CRAMP1: variants seen among roughly 807,000 people sequenced by gnomAD.
CRAMP1 encodes the protein protein cramped-like.
Under a neutral mutation model 115.4 loss-of-function variants are expected in CRAMP1, and 50 were observed. That is an observed-to-expected ratio of 0.43 (90% CI 0.35 to 0.55). The LOEUF (loss-of-function observed/expected upper bound fraction) is 0.55. Ranked by LOEUF, CRAMP1 falls within the 20% of genes least tolerant of loss-of-function variation. The pLI is 0.01. For synonymous variants in CRAMP1, 866 were observed against 745.4 expected (o/e 1.16, Z -2.64); for missense variants, 1,679 against 1,721.7 (o/e 0.98, Z 0.44).
rs1054402577 is a variant in CRAMP1, at chr16:1,676,789, C to G, written c.*2744C>G. On this transcript the variant is annotated 3_prime_UTR_variant, in exon 21 of 21. Coordinates refer to ENST00000397412, the MANE Select transcript of CRAMP1 (RefSeq NM_020825.4). The stretch of plus-strand genomic sequence containing the variant: ...GCAGTGATAAGCGGGCATTGCGTGC[C>G]TCGGGGGATGCCTAGTTCGTGGCTT... 3 of 152,258 alleles carry G rather than the reference C, an allele frequency of 2.0e-5. No individual in the cohort carries two copies. Among genetic ancestry groups the G allele is most frequent in the African/African-American group, 7.2e-5 (3 of 41,436 alleles). 9.4% of individuals were successfully genotyped at this position (152,258 alleles called of 1,614,324 possible).
chr16:1,623,852 G>C (rs997983409), intron 2 of CRAMP1, among the ~76,000 whole-genome samples: 1 of 152,248 alleles, frequency 6.6e-6, no homozygotes, highest in Non-Finnish European at 1.5e-5. Context: ...GGAATGGGCA[G>C]GGCCAGATAA....
rs570912665 is a variant in CRAMP1, at chr16:1,656,729, G to A, written c.1972G>A (p.Ala658Thr). 22 of 1,551,678 alleles carry A rather than the reference G, an allele frequency of 1.4e-5. No individual in the cohort carries two copies. The highest frequency in any genetic ancestry group is 2.4e-5 in the South Asian group (2 of 84,134). ...GPPPSQGQPA[A>T]RPPKEVPASR... is the part of the protein sequence containing the mutation. ...TCCGCCGTCTCAGGGACAGCCTGCCGCCAGGCCCCCGAAGGAGGTCCCCGC... is the reference window on the plus strand; with the variant it reads ...TCCGCCGTCTCAGGGACAGCCTGCCACCAGGCCCCCGAAGGAGGTCCCCGC... Residue 658 changes from alanine (A) to threonine (T), a missense_variant, in exon 10 of 21, where the codon GCC (alanine) becomes ACC (threonine). This residue lies in a region of CRAMP1 where 405 missense variants were observed against 302.6 expected (regional missense o/e 1.34). Coordinates refer to ENST00000397412, the MANE Select transcript of CRAMP1 (RefSeq NM_020825.4). This position sits in a 1 kb window ranked among gnomAD's most constrained non-coding sequence, Gnocchi z 5.6.
chr16:1,629,314 T>C (rs1432891800), intron 3 of CRAMP1, among the ~76,000 whole-genome samples: 1 of 152,208 alleles, frequency 6.6e-6, no homozygotes, highest in East Asian at 1.9e-4. Flanking sequence ...CCTCAGCCTG[T>C]TACCATCTCC....
rs945684731 is a variant in CRAMP1 at position 1,613,231 on chromosome 16, C to T, written c.-2+574C>T. Reference sequence around the variant, plus strand: ...GGTGTTTGTCGTGGGTGGTTTTGTTCTTTGGCAGAGTTTTTTTTAAAACTA... The same window carrying T: ...GGTGTTTGTCGTGGGTGGTTTTGTTTTTTGGCAGAGTTTTTTTTAAAACTA... On this transcript the variant is annotated intron_variant, in intron 1 of 20. Coordinates refer to ENST00000397412, the MANE Select transcript of CRAMP1 (RefSeq NM_020825.4). Among the ~76,000 whole-genome samples, 3 of 151,634 alleles carry T rather than the reference C, an allele frequency of 2.0e-5. 1 individual carries two copies. In the South Asian group the frequency reaches 6.2e-4, roughly 31 times the overall value.
chr16:1,626,543 A>G (rs1211462469), intron 3 of CRAMP1, among the ~76,000 whole-genome samples: 1 of 150,684 alleles, frequency 6.6e-6, no homozygotes, highest in East Asian at 2.0e-4. Context: ...GAGGGGAGGC[A>G]CAAGGCGGTG....
intron 14 of CRAMP1, 108 bp downstream of exon 14, chr16:1,665,246 C>G (rs1440670188): frequency 2.6e-6 from 2 of 759,710 alleles, no homozygotes; most frequent in African/African-American, 1.7e-5. Flanking sequence ...TCAGGCATTC[C>G]TTTGTCCATT....
At chr16:1,613,609 G>C (rs888111879) in intron 1 of CRAMP1, among the ~76,000 whole-genome samples, 2 of 152,142 alleles carry the variant, frequency 1.3e-5, no homozygotes, top group South Asian at 2.1e-4. Context: ...GTTTATTTTT[G>C]AGTGGCTCTG....
At position 1,614,542 on chromosome 16, in the gene CRAMP1, G is replaced by A. The variant is rs1423183448; in HGVS notation, c.-1-97G>A. 1.1e-4 allele frequency: 80 copies of A among 730,988 alleles called. 1 individual carries two copies. The highest frequency in any genetic ancestry group is 2.6e-5 in the Non-Finnish European group (14 of 547,056). The allele number at this position is 730,988 out of a possible 1,614,324, so 45.3% of individuals were successfully genotyped here. ...GGCCGAGCCGCCGAGAGGGGATTTG[G>A]AACAAACAACGGCGGCCATGTTGAG... On this transcript the variant is annotated intron_variant, in intron 1 of 20. Coordinates refer to ENST00000397412, the MANE Select transcript of CRAMP1 (RefSeq NM_020825.4). The surrounding 1 kb of genome is among the most constrained non-coding windows in gnomAD (Gnocchi z 4.4).
intron 8 of CRAMP1, among the ~76,000 whole-genome samples, chr16:1,654,079 G>C (rs1198450394): frequency 6.9e-6 from 1 of 145,356 alleles, no homozygotes; most frequent in Non-Finnish European, 1.5e-5. Context: ...GGAGGCAGAG[G>C]TTGCAGTGAG....
At chr16:1,659,768 C>A in intron 10 of CRAMP1, 118 bp from the exon 11 acceptor site, 1 of 991,532 alleles carries the variant, frequency 1.0e-6, no homozygotes, top group Non-Finnish European at 1.5e-6. Flanking sequence ...TGGCCTTTGC[C>A]GTCATGACAC....
At chr16:1,632,023 C>T (rs1032544424) in intron 3 of CRAMP1, among the ~76,000 whole-genome samples, 189 bp from the exon 4 acceptor site, 1 of 152,142 alleles carries the variant, frequency 6.6e-6, no homozygotes. Context: ...CTCCTTTATC[C>T]TGATTAAAAC....
At position 1,614,380 on chromosome 16, in the gene CRAMP1, C is replaced by G. The variant is rs1453686182; in HGVS notation, c.-1-259C>G. The stretch of plus-strand genomic sequence containing the variant: ...CTGTCGCGCCCTCCCGCCGCCGGCC[C>G]GGGCGTCTGGACGCGAGCCTCGGCC... On this transcript the variant is annotated intron_variant, in intron 1 of 20. Transcript: ENST00000397412. The surrounding 1 kb of genome is among the most constrained non-coding windows in gnomAD (Gnocchi z 4.4). Among the ~76,000 whole-genome samples, 1 of 138,402 alleles carries G rather than the reference C, an allele frequency of 7.2e-6. No individual in the cohort carries two copies. Among genetic ancestry groups the G allele is most frequent in the African/African-American group, 2.6e-5 (1 of 38,038 alleles). 90.8% of individuals were successfully genotyped at this position (138,402 alleles called of 152,430 possible).
At position 1,674,052 on chromosome 16, in the gene CRAMP1, G is replaced by A. The variant is rs754067441; in HGVS notation, c.*7G>A. ...CAGTGACCTGTCCCAGTGACCACAC[G>A]TCCTGGTGGCGGATGAAGCCCTCTT... On this transcript the variant is annotated 3_prime_UTR_variant, in exon 21 of 21. Coordinates refer to ENST00000397412, the MANE Select transcript of CRAMP1 (RefSeq NM_020825.4). The A allele has an allele frequency of 8.1e-6, 13 of 1,610,934 alleles. No individual in the cohort carries two copies. The highest frequency in any genetic ancestry group is 6.7e-5 in the East Asian group (3 of 44,878).
At position 1,614,272 on chromosome 16, in the gene CRAMP1, C is replaced by T. The variant is rs1213347811; in HGVS notation, c.-1-367C>T. 6.8e-6 allele frequency among the ~76,000 whole-genome samples: 1 copy of T among 146,404 alleles called. No homozygotes were observed. The highest frequency in any genetic ancestry group is 6.8e-5 in the Admixed American group (1 of 14,780). ...CGGGGCAGCGGCCCGGACCCGCAAC[C>T]GTGCCCAGACCCGCGCCCGCGCCGG... On this transcript the variant is annotated intron_variant, in intron 1 of 20. Coordinates refer to ENST00000397412, the MANE Select transcript of CRAMP1 (RefSeq NM_020825.4). The surrounding 1 kb of genome is among the most constrained non-coding windows in gnomAD (Gnocchi z 4.4).
rs1490940630 is a variant in CRAMP1, at chr16:1,614,863, GC to G, written c.229del (p.Gln77ArgfsTer70). On this transcript the variant is annotated frameshift_variant, in exon 2 of 21. Transcript: ENST00000397412. LOFTEE classifies it high-confidence loss of function. The surrounding 1 kb of genome is among the most constrained non-coding windows in gnomAD (Gnocchi z 4.4). ...CAGGCGCCGTCCCCGCCGCAGGGCA[GC>G]CCCCAGGACCAGCACCACTTCCTCC... ...APQAPSPPQG[S>X]PQDQHHFLRS... The G allele has an allele frequency of 8.3e-6, 11 of 1,319,358 alleles. No individual in the cohort carries two copies. The Admixed American group carries it at 9.7e-5, about 12-fold the overall frequency. The allele number at this position is 1,319,358 out of a possible 1,614,324, so 81.7% of individuals were successfully genotyped here.
At chr16:1,652,310 G>T (rs1412023062) in intron 6 of CRAMP1, among the ~76,000 whole-genome samples, 186 bp from the exon 7 acceptor site, 1 of 152,228 alleles carries the variant, frequency 6.6e-6, no homozygotes, top group Non-Finnish European at 1.5e-5. Flanking sequence ...AAAGTAGCAG[G>T]ATGTGCAGAG....
rs140226244 is a variant in CRAMP1, at chr16:1,672,287, C to T, written c.3645+1478C>T. On this transcript the variant is annotated intron_variant, in intron 20 of 20. Coordinates refer to ENST00000397412, the MANE Select transcript of CRAMP1 (RefSeq NM_020825.4). This position sits in a 1 kb window ranked among gnomAD's most constrained non-coding sequence, Gnocchi z 4.9. ...TTAGTATTTGTGAAACGCTGCCCGT[C>T]GCGAGTAATGCAAACGTGTTCACCT... 2.7e-3 allele frequency among the ~76,000 whole-genome samples: 404 copies of T among 152,270 alleles called. 1 individual carries two copies. Among genetic ancestry groups the T allele is most frequent in the African/African-American group, 9.3e-3 (385 of 41,524 alleles).
Position 1,673,938 on chromosome 16 carries a change from C to G in CRAMP1, c.3703C>G (p.Arg1235Gly). The G allele has an allele frequency of 1.9e-6, 3 of 1,613,754 alleles. No individual in the cohort carries two copies. The highest frequency in any genetic ancestry group is 2.5e-6 in the Non-Finnish European group (3 of 1,179,834). The change falls in exon 21 of 21, where the codon CGG (arginine) becomes GGG (glycine). Residue 1235 changes from arginine to glycine, a missense_variant. Arg to Gly is a moderately radical substitution (Grantham distance 125). Around this residue, in one of 8 missense-constraint regions of CRAMP1, gnomAD observed 709 missense variants for 741.9 expected, o/e 0.96. Coordinates refer to ENST00000397412, the MANE Select transcript of CRAMP1 (RefSeq NM_020825.4). ...CGAAAACAGCATTGATTACATTTCTCGGTTCAATGACCTGGCCCAAGAGCT... is the reference window on the plus strand; with the variant it reads ...CGAAAACAGCATTGATTACATTTCTGGGTTCAATGACCTGGCCCAAGAGCT... The part of the protein sequence containing the change: ...MNENSIDYIS[R>G]FNDLAQELSI...
chr16:1,644,155 G>A (rs867645460), intron 6 of CRAMP1, among the ~76,000 whole-genome samples: 3 of 152,212 alleles, frequency 2.0e-5, no homozygotes, highest in African/African-American at 7.2e-5. Flanking sequence ...AGGCCGCAGC[G>A]AGAGTGGGAG....
Sources: allele counts gnomAD v4.1 joint callset (sites outside exome capture counted in the v4.1 genomes callset), GRCh38; gene constraint gnomAD v4.1.1; regional missense constraint gnomAD v4.1.1; non-coding constraint Gnocchi (gnomAD v3.1); transcripts MANE v1.5; gene names NCBI Gene and HGNC (gene_info 2026-07-23, HGNC 2026-07-21).